The following DCLK3 variants were observed in gnomAD, a reference collection of about 807,000 sequenced individuals.
DCLK3 encodes the protein doublecortin like kinase 3, also known as serine/threonine-protein kinase DCLK3.
A neutral mutation model predicts 46.4 loss-of-function variants in DCLK3; 30 were observed. The ratio of observed to expected loss-of-function variants is 0.65; its 90% confidence interval spans 0.48 to 0.88. The LOEUF (loss-of-function observed/expected upper bound fraction) is 0.88. Among genes scored for constraint, DCLK3 ranks in the 40% least tolerant of loss-of-function variants. The pLI is 0.00. For missense variants in DCLK3, 846 were observed against 907.1 expected (o/e 0.93, Z 0.87); for synonymous variants, 401 against 339.2 (o/e 1.18, Z -2.00).
chr3:36,738,309 C>T lies in DCLK3; in HGVS notation c.858G>A (p.Arg286=). ...KPPREATLEE[R]HARGEKHLGV... is the part of the protein sequence containing the mutation. ...CAAGATGCTTCTCTCCCCTTGCGTG[C>T]CTCTCTTCCAGAGTGGCTTCCCTGG... The change falls in exon 2 of 5, where the codon AGG becomes AGA. Residue 286 remains arginine, a synonymous_variant. Coordinates refer to ENST00000636136, the MANE Select transcript of DCLK3 (RefSeq NM_001394672.2). The T allele has an allele frequency of 6.6e-7, 1 of 1,514,304 alleles. No homozygotes were observed. The highest frequency in any genetic ancestry group is 8.8e-7 in the Non-Finnish European group (1 of 1,134,018). 93.8% of individuals were successfully genotyped at this position (1,514,304 alleles called of 1,614,324 possible). A position where few individuals can be genotyped will look rare whatever the true frequency, so the allele number is the denominator to read the frequency against.
intron 4 of DCLK3, 104 bp downstream of exon 4, chr3:36,717,906 G>A: frequency 7.0e-7 from 1 of 1,437,908 alleles, no homozygotes; most frequent in Middle Eastern, 1.9e-4. Flanking sequence ...GACATGACAT[G>A]TTGACAGTCC....
In DCLK3 at chr3:36,737,976, G is replaced by T. The variant is rs1158350742; in HGVS notation, c.1191C>A (p.Gly397=). The T allele has an allele frequency of 6.2e-7, 1 of 1,614,092 alleles. No individual in the cohort carries two copies. The highest frequency in any genetic ancestry group is 2.2e-5 in the East Asian group (1 of 44,868). ...GAGCATGGCTTTCTTGATCCTCTGG[G>T]CCTCTGTCCTCTTTCTTGTCCATGC... ...SKSMDKKEDR[G]PEDQESHAQG... Residue 397 remains glycine, a synonymous_variant, in exon 2 of 5, where the codon GGC becomes GGA. Coordinates refer to ENST00000636136, the MANE Select transcript of DCLK3 (RefSeq NM_001394672.2). The surrounding 1 kb of genome is among the most constrained non-coding windows in gnomAD (Gnocchi z 4.4).
intron 2 of DCLK3, among the ~76,000 whole-genome samples, chr3:36,728,429 A>C (rs971514823): frequency 6.6e-6 from 1 of 152,178 alleles, no homozygotes; most frequent in Non-Finnish European, 1.5e-5. Context: ...AGGTGGACCA[A>C]GTGCAGAAGA....
intron 4 of DCLK3, among the ~76,000 whole-genome samples, chr3:36,717,405 T>G (rs901124794): frequency 3.9e-5 from 6 of 152,172 alleles, no homozygotes; most frequent in Non-Finnish European, 7.3e-5. Context: ...CAGCCTCCTA[T>G]TCTACTTTTT....
At chr3:36,725,861 C>A (rs1201473475) in intron 2 of DCLK3, among the ~76,000 whole-genome samples, 1 of 152,176 alleles carries the variant, frequency 6.6e-6, no homozygotes, top group Admixed American at 6.5e-5. Flanking sequence ...CTTCCTTTTT[C>A]CCATTCAAAA....
At chr3:36,735,141 G>A (rs1264911618) in intron 2 of DCLK3, among the ~76,000 whole-genome samples, 1 of 152,174 alleles carries the variant, frequency 6.6e-6, no homozygotes, top group African/African-American at 2.4e-5. Context: ...CTCAGGCCTC[G>A]AAAGGGATCT....
chr3:36,760,380 A>G (rs1253125302), intron 1 of DCLK3, among the ~76,000 whole-genome samples: 4 of 152,146 alleles, frequency 2.6e-5, no homozygotes, highest in Admixed American at 2.6e-4. Flanking sequence ...GCAAGGACAA[A>G]AAACCAAACA....
intron 3 of DCLK3, among the ~76,000 whole-genome samples, chr3:36,721,211 C>T (rs1252483620): frequency 6.6e-6 from 1 of 152,014 alleles, no homozygotes; most frequent in Admixed American, 6.6e-5. Flanking sequence ...GTCAAGTAGC[C>T]TTGCTTGCTT....
At chr3:36,760,445 G>A (rs1373320661) in intron 1 of DCLK3, among the ~76,000 whole-genome samples, 1 of 149,574 alleles carries the variant, frequency 6.7e-6, no homozygotes, top group African/African-American at 2.5e-5. Flanking sequence ...ATGGACACAG[G>A]AAGGGGAACA....
At chr3:36,759,344 A>T (rs1253026845) in intron 1 of DCLK3, among the ~76,000 whole-genome samples, 2 of 152,288 alleles carry the variant, frequency 1.3e-5, no homozygotes, top group Non-Finnish European at 2.9e-5. Flanking sequence ...CATTGCATTC[A>T]TTCCAGACGA....
chr3:36,717,071 A>G (rs1700990708), intron 4 of DCLK3, among the ~76,000 whole-genome samples: 1 of 152,184 alleles, frequency 6.6e-6, no homozygotes, highest in Non-Finnish European at 1.5e-5. Flanking sequence ...ATTCAATAGC[A>G]TGTTTAGGGA....
Position 36,764,138 on chromosome 3 carries a change from G to A in DCLK3, c.82+44C>T. ...GAATGAGTCCTCCCGCCCCCGCCAA[G>A]GTGGCGCCCAGAACGGGTCGGTGCC... On this transcript the variant is annotated intron_variant, in intron 1 of 4. Coordinates refer to ENST00000636136, the MANE Select transcript of DCLK3 (RefSeq NM_001394672.2). This position sits in a 1 kb window ranked among gnomAD's most constrained non-coding sequence, Gnocchi z 4.9. 3.0e-6 allele frequency: 1 copy of A among 329,844 alleles called. No individual in the cohort carries two copies. Among genetic ancestry groups the A allele is most frequent in the East Asian group, 4.4e-5 (1 of 22,688 alleles). The allele number at this position is 329,844 out of a possible 1,614,324, so 20.4% of individuals were successfully genotyped here. A position where few individuals can be genotyped will look rare whatever the true frequency, so the allele number is the denominator to read the frequency against.
intron 2 of DCLK3, among the ~76,000 whole-genome samples, chr3:36,730,191 TATACACACACACACAC>T (rs1204421542): frequency 1.8e-5 from 2 of 108,980 alleles, no homozygotes; most frequent in African/African-American, 7.4e-5. Flanking sequence ...ATACACCATA[TATACACACACACACAC>T]ACACACACAC....
intron 2 of DCLK3, among the ~76,000 whole-genome samples, chr3:36,724,162 C>G (rs752707173): frequency 2.0e-5 from 3 of 152,304 alleles, no homozygotes; most frequent in Non-Finnish European, 4.4e-5. Context: ...AGATTTCAGA[C>G]TTTCATGGGG....
At chr3:36,729,889 A>G (rs1176776764) in intron 2 of DCLK3, 1 of 152,240 alleles carries the variant, frequency 6.6e-6, no homozygotes, top group East Asian at 1.9e-4. Flanking sequence ...AATATACCAT[A>G]ACACAGGCCA....
chr3:36,726,544 C>T (rs1247398580), intron 2 of DCLK3, among the ~76,000 whole-genome samples: 1 of 152,136 alleles, frequency 6.6e-6, no homozygotes, highest in Non-Finnish European at 1.5e-5. Context: ...CCCTGGGACC[C>T]ATCACAGCCA....
intron 1 of DCLK3, among the ~76,000 whole-genome samples, chr3:36,757,389 A>T (rs1701495457): frequency 6.6e-6 from 1 of 152,248 alleles, no homozygotes; most frequent in African/African-American, 2.4e-5. Flanking sequence ...AACTGAAGGC[A>T]GAAAACTAAT....
At chr3:36,748,205 T>A (rs978168092) in intron 1 of DCLK3, among the ~76,000 whole-genome samples, 1 of 149,042 alleles carries the variant, frequency 6.7e-6, no homozygotes, top group Non-Finnish European at 1.5e-5. Context: ...GGGAAGGAGG[T>A]GTTTTGTGCA....
At chr3:36,733,151 A>C (rs113708396) in intron 2 of DCLK3, among the ~76,000 whole-genome samples, 95 of 152,306 alleles carry the variant, frequency 6.2e-4, no homozygotes, top group African/African-American at 2.2e-3. Flanking sequence ...GACCAAGCTG[A>C]GACCTGTTCC....
Sources: gnomAD v4.1 joint callset for allele counts (sites outside exome capture counted in the v4.1 genomes callset) on GRCh38, gnomAD v4.1.1 for gene constraint, Gnocchi (gnomAD v3.1) non-coding constraint, MANE v1.5 for transcripts, NCBI Gene and HGNC (gene_info 2026-07-23, HGNC 2026-07-21) for gene names.